The following RGS7 variants were observed in gnomAD, a reference collection of about 807,000 sequenced individuals.
RGS7 encodes the protein regulator of G protein signaling 7, also known as regulator of G-protein signaling 7.
A neutral mutation model predicts 81.1 loss-of-function variants in RGS7; 27 were observed. The observed-to-expected ratio is 0.33, with a 90% CI of 0.25 to 0.46. The LOEUF is 0.46. Ranked by LOEUF, RGS7 falls within the 20% of genes least tolerant of loss-of-function variation. The probability of loss-of-function intolerance (pLI) is 1.00; values close to 1 mark genes in which losing one functional copy is unlikely to be tolerated. For missense variants in RGS7, 396 were observed against 607.4 expected, an observed-to-expected ratio of 0.65 and a Z score of 3.66; for synonymous variants, 208 against 207.7, an observed-to-expected ratio of 1.00 and a Z score of -0.01.
At chr1:241,189,834 G>A (rs963589871) in intron 2 of RGS7, among the ~76,000 whole-genome samples, 1 of 152,164 alleles carries the variant, frequency 6.6e-6, no homozygotes, top group Non-Finnish European at 1.5e-5. Flanking sequence ...CAATTGGTCA[G>A]GCTGGGCGCG....
At chr1:241,098,484 T>C (rs1279937822) in intron 3 of RGS7, among the ~76,000 whole-genome samples, 182 bp downstream of exon 3, 2 of 152,240 alleles carry the variant, frequency 1.3e-5, no homozygotes, top group African/African-American at 4.8e-5. Context: ...TCATGATTTT[T>C]GGCGTTTTGT....
chr1:240,936,775 G>GT lies in RGS7; in HGVS notation c.227-70dup, dbSNP rs1676707346. Reference sequence around the variant, plus strand: ...ATGTATTCTTTTATAGGAATGTAACGTTTTTGTGTGGTTCCTTTTGTCAGA... The same window carrying GT: ...ATGTATTCTTTTATAGGAATGTAACGTTTTTTGTGTGGTTCCTTTTGTCAGA... On this transcript the variant is annotated intron_variant, in intron 4 of 18. Coordinates refer to ENST00000440928, the MANE Select transcript of RGS7 (RefSeq NM_001364886.1). The GT allele has an allele frequency of 4.3e-6, 5 of 1,167,612 alleles. No homozygotes were observed. The Admixed American group carries it at 8.8e-5, about 20-fold the overall frequency. The allele number at this position is 1,167,612 out of a possible 1,614,324, so 72.3% of individuals were successfully genotyped here.
In RGS7 at chr1:241,147,780, T is replaced by TTTTATATATATATATATA. The variant is rs1428939736; in HGVS notation, c.79-49019_79-49018insTATATATATATATATAAA. Among the ~76,000 whole-genome samples the TTTTATATATATATATATA allele has an allele frequency of 4.1e-3, 184 of 44,642 alleles. 12 individuals carry two copies. The highest frequency in any genetic ancestry group is 6.1e-3 in the Non-Finnish European group (134 of 22,034). The allele number at this position is 44,642 out of a possible 152,430, so 29.3% of individuals were successfully genotyped here. A position where few individuals can be genotyped will look rare whatever the true frequency, so the allele number is the denominator to read the frequency against. ...TTAAATATCCCATCTAGATTAAGTT[T>TTTTATATATATATATATA]TATATATATATATATATATATATAT... On this transcript the variant is annotated intron_variant, in intron 2 of 18. Coordinates refer to ENST00000440928, the MANE Select transcript of RGS7 (RefSeq NM_001364886.1).
At chr1:240,915,045 C>G (rs1486676537) in intron 6 of RGS7, among the ~76,000 whole-genome samples, 1 of 152,208 alleles carries the variant, frequency 6.6e-6, no homozygotes, top group African/African-American at 2.4e-5. Context: ...GTGACTTTTA[C>G]TTCCAGGAGC....
rs188583340 is a variant in RGS7, at chr1:241,097,101, A to T, written c.175+1565T>A. On this transcript the variant is annotated intron_variant, in intron 3 of 18. Coordinates refer to ENST00000440928, the MANE Select transcript of RGS7 (RefSeq NM_001364886.1). ...TCTAAGACAAAGTGGAGCGTACAAG[A>T]GATGCAAAAACCAAGGCCTTTGAGA... is the stretch of plus-strand genomic sequence containing the variant. Among the ~76,000 whole-genome samples the T allele has an allele frequency of 4.9e-3, 725 of 149,156 alleles. 2 individuals carry two copies. Among genetic ancestry groups the T allele is most frequent in the Non-Finnish European group, 7.0e-3 (479 of 67,996 alleles).
At chr1:240,921,616 C>T (rs912311317) in intron 6 of RGS7, among the ~76,000 whole-genome samples, 4 of 151,866 alleles carry the variant, frequency 2.6e-5, no homozygotes, top group Non-Finnish European at 5.9e-5. Context: ...TTCCTATGTA[C>T]CAGCAATGAA....
chr1:240,911,136 C>T (rs1671687162), intron 6 of RGS7, among the ~76,000 whole-genome samples: 2 of 152,106 alleles, frequency 1.3e-5, no homozygotes, highest in South Asian at 4.2e-4. Context: ...TGAAGCTTCC[C>T]TTTAATTCCC....
chr1:241,204,071 T>C (rs1049631909), intron 2 of RGS7, among the ~76,000 whole-genome samples: 1 of 152,048 alleles, frequency 6.6e-6, no homozygotes, highest in African/African-American at 2.4e-5. Flanking sequence ...ACTATAGGAG[T>C]TGCCCAGTTT....
At chr1:240,848,641 T>G (rs1038688720) in intron 9 of RGS7, among the ~76,000 whole-genome samples, 2 of 151,564 alleles carry the variant, frequency 1.3e-5, no homozygotes, top group Admixed American at 6.6e-5. Flanking sequence ...AGGTTTTTTT[T>G]TTTAAGAAAG....
rs534078799 is a variant in RGS7, at chr1:240,813,674, A to C, written c.900T>G (p.Pro300=). The C allele has an allele frequency of 6.2e-7, 1 of 1,613,988 alleles. No individual in the cohort carries two copies. The highest frequency in any genetic ancestry group is 2.2e-5 in the East Asian group (1 of 44,878). ...YLEYDPFLLP[P]DPSNPWLSDD... ...CGGACAGCCATGGGTTAGAAGGGTCAGGTGGCAAAAGAAACGGGTCGTATT... is the reference window on the plus strand; with the variant it reads ...CGGACAGCCATGGGTTAGAAGGGTCCGGTGGCAAAAGAAACGGGTCGTATT... The change falls in exon 13 of 19, where the codon CCT becomes CCG. Residue 300 remains proline, a synonymous_variant. Transcript: ENST00000440928.
At chr1:241,245,548 C>T (rs1453463573) in intron 2 of RGS7, among the ~76,000 whole-genome samples, 2 of 151,504 alleles carry the variant, frequency 1.3e-5, no homozygotes, top group East Asian at 1.9e-4. Context: ...GTGGCTCACG[C>T]CTATAATCCC....
At chr1:241,295,167 G>A (rs1198053109) in intron 2 of RGS7, among the ~76,000 whole-genome samples, 2 of 152,028 alleles carry the variant, frequency 1.3e-5, no homozygotes, top group Non-Finnish European at 2.9e-5. Flanking sequence ...ATATGTTTGC[G>A]GCCGGGTGCG....
chr1:241,292,913 A>G (rs1346023421), intron 2 of RGS7, among the ~76,000 whole-genome samples: 5 of 152,266 alleles, frequency 3.3e-5, no homozygotes, highest in Non-Finnish European at 7.3e-5. Context: ...ATAAATTACA[A>G]TGCATTCATA....
chr1:241,347,730 T>C (rs564431345), intron 2 of RGS7, among the ~76,000 whole-genome samples: 2 of 152,276 alleles, frequency 1.3e-5, no homozygotes, highest in Non-Finnish European at 2.9e-5. Context: ...AGACAACCTA[T>C]GTCATCTGAT....
intron 2 of RGS7, among the ~76,000 whole-genome samples, chr1:241,332,580 G>A (rs968432798): frequency 1.3e-5 from 2 of 152,074 alleles, no homozygotes; most frequent in African/African-American, 4.8e-5. Flanking sequence ...CAACTTCCGC[G>A]GCCCCTTCAC....
intron 3 of RGS7, among the ~76,000 whole-genome samples, chr1:240,992,519 A>C (rs1375713205): frequency 6.6e-6 from 1 of 151,962 alleles, no homozygotes; most frequent in Non-Finnish European, 1.5e-5. Flanking sequence ...ATAAACAAAA[A>C]CAAAAACAAA....
intron 1 of RGS7, among the ~76,000 whole-genome samples, chr1:241,356,387 C>T (rs925320086): frequency 1.3e-5 from 2 of 152,178 alleles, no homozygotes; most frequent in Non-Finnish European, 2.9e-5. Flanking sequence ...ATATGCTTCG[C>T]CTACTTTCAC....
chr1:240,920,512 T>C, intron 6 of RGS7: 1 of 857,314 alleles, frequency 1.2e-6, no homozygotes, highest in Non-Finnish European at 2.0e-6. Context: ...AGCTCTGGCC[T>C]CTATGGTGAT....
At chr1:241,051,771 G>T (rs1344578794) in intron 3 of RGS7, among the ~76,000 whole-genome samples, 1 of 152,150 alleles carries the variant, frequency 6.6e-6, no homozygotes, top group Admixed American at 6.6e-5. Context: ...TGCATTGAGT[G>T]TTTCTCTGTC....
Sources: allele counts gnomAD v4.1 joint callset (sites outside exome capture counted in the v4.1 genomes callset), GRCh38; gene constraint gnomAD v4.1.1; transcripts MANE v1.5; gene names NCBI Gene and HGNC (gene_info 2026-07-23, HGNC 2026-07-21).